GALNTL5: variants seen among roughly 807,000 people sequenced by gnomAD.
GALNTL5 encodes inactive polypeptide N-acetylgalactosaminyltransferase-like protein 5.
A neutral mutation model predicts 51.0 loss-of-function variants in GALNTL5; 44 were observed. The ratio of observed to expected loss-of-function variants is 0.86; its 90% CI spans 0.68 to 1.11. The LOEUF (loss-of-function observed/expected upper bound fraction) is 1.11, where lower values mean the gene tolerates loss of function less well. Among genes scored for constraint, GALNTL5 ranks in the 50% least tolerant of loss-of-function variants. The pLI, the probability that GALNTL5 is intolerant of heterozygous loss-of-function variation, is 0.00. For missense variants in GALNTL5, 528 were observed against 531.8 expected (o/e 0.99, Z 0.07); for synonymous variants, 192 against 182.8 (o/e 1.05, Z -0.41).
chr7:151,993,833 T>C (rs2081458552), intron 5 of GALNTL5, among the ~76,000 whole-genome samples: 1 of 152,110 alleles, frequency 6.6e-6, no homozygotes, highest in South Asian at 2.1e-4. Flanking sequence ...CTGCCCAGGC[T>C]GGTCTCAAAC....
intron 5 of GALNTL5, among the ~76,000 whole-genome samples, chr7:151,996,194 C>CT (rs201649422): frequency 3.3e-5 from 5 of 151,246 alleles, no homozygotes; most frequent in Non-Finnish European, 7.4e-5. Context: ...ACACCACATT[C>CT]TTTTTTTTTA....
chr7:152,014,569 T>C, intron 7 of GALNTL5, 75 bp from the exon 8 acceptor site: 1 of 1,417,036 alleles, frequency 7.1e-7, no homozygotes, highest in South Asian at 1.4e-5. Flanking sequence ...CACCTGGCCA[T>C]TATATTGGTT....
intron 5 of GALNTL5, among the ~76,000 whole-genome samples, chr7:151,990,267 C>T (rs1382031729): frequency 6.6e-6 from 1 of 151,942 alleles, no homozygotes; most frequent in East Asian, 1.9e-4. Context: ...TAGTCTCGAA[C>T]TCTTGGCCTC....
chr7:152,001,747 T>A (rs2081582966), intron 5 of GALNTL5, among the ~76,000 whole-genome samples: 1 of 152,224 alleles, frequency 6.6e-6, no homozygotes, highest in Non-Finnish European at 1.5e-5. Context: ...TTAGGATCAA[T>A]TTCTTTAAAA....
At chr7:151,995,834 A>G (rs905677964) in intron 5 of GALNTL5, among the ~76,000 whole-genome samples, 3 of 152,218 alleles carry the variant, frequency 2.0e-5, no homozygotes, top group African/African-American at 7.2e-5. Flanking sequence ...TAATGGTGGA[A>G]AGGCTCTCAG....
intron 4 of GALNTL5, among the ~76,000 whole-genome samples, chr7:151,986,298 T>C (rs2081358581): frequency 6.6e-6 from 1 of 152,180 alleles, no homozygotes; most frequent in African/African-American, 2.4e-5. Flanking sequence ...AAAATGTTAA[T>C]AGTGATTTAC....
intron 3 of GALNTL5, among the ~76,000 whole-genome samples, chr7:151,977,957 G>A (rs2081228673): frequency 6.6e-6 from 1 of 151,912 alleles, no homozygotes; most frequent in Non-Finnish European, 1.5e-5. Context: ...AGTTTGATGT[G>A]CATTGTTTTG....
chr7:152,002,201 A>C (rs1000480627), intron 5 of GALNTL5, among the ~76,000 whole-genome samples: 2 of 151,428 alleles, frequency 1.3e-5, no homozygotes, highest in Non-Finnish European at 2.9e-5. Flanking sequence ...AATTGCTTGA[A>C]CCCGGGAGGC....
rs1351216172 is a variant in GALNTL5, at chr7:152,019,762, T to A, written c.1293T>A (p.Asn431Lys). ...AGTCATTTCAGTGGTATTTGGATAA[T>A]GTCTTCCCAGAGTTGGAGGCATCTG... ...GCKSFQWYLD[N>K]VFPELEASVN... The change falls in exon 9 of 9, where the codon AAT (asparagine) becomes AAA (lysine). Residue 431 changes from asparagine to lysine, a missense_variant. Transcript: ENST00000392800. 6.2e-7 allele frequency: 1 copy of A among 1,613,770 alleles called. No homozygotes were observed. The highest frequency in any genetic ancestry group is 8.5e-7 in the Non-Finnish European group (1 of 1,179,852).
intron 1 of GALNTL5, among the ~76,000 whole-genome samples, chr7:151,964,104 G>A (rs916973346): frequency 6.6e-6 from 1 of 152,108 alleles, no homozygotes; most frequent in African/African-American, 2.4e-5. Context: ...GCTTGCAGGT[G>A]GTTGCCTTCG....
chr7:151,997,389 A>G (rs1194959678), intron 5 of GALNTL5, among the ~76,000 whole-genome samples: 1 of 152,194 alleles, frequency 6.6e-6, no homozygotes, highest in Non-Finnish European at 1.5e-5. Context: ...TCCTAGCACC[A>G]AACTTTAGGT....
At chr7:151,969,933 A>T (rs1445302618) in intron 2 of GALNTL5, among the ~76,000 whole-genome samples, 1 of 150,978 alleles carries the variant, frequency 6.6e-6, no homozygotes, top group African/African-American at 2.4e-5. Context: ...CAGCCTCCCG[A>T]GTAGCTGGGA....
intron 5 of GALNTL5, among the ~76,000 whole-genome samples, chr7:151,987,968 C>T (rs1045004200): frequency 1.3e-5 from 2 of 152,204 alleles, no homozygotes; most frequent in South Asian, 4.1e-4. Flanking sequence ...TGGCAGCACC[C>T]TGGGAACGGC....
chr7:151,991,968 A>G (rs978855410), intron 5 of GALNTL5, among the ~76,000 whole-genome samples: 10 of 152,282 alleles, frequency 6.6e-5, no homozygotes, highest in African/African-American at 2.2e-4. Flanking sequence ...CATTTGCTCT[A>G]TAGATATTAT....
chr7:152,014,491 C>T (rs1440349481), intron 7 of GALNTL5, among the ~76,000 whole-genome samples, 153 bp from the exon 8 acceptor site: 1 of 152,234 alleles, frequency 6.6e-6, no homozygotes, highest in African/African-American at 2.4e-5. Context: ...TGGTCTCAAA[C>T]TCCCTTCCTT....
At chr7:152,001,505 A>T (rs1009642726) in intron 5 of GALNTL5, among the ~76,000 whole-genome samples, 2 of 152,154 alleles carry the variant, frequency 1.3e-5, no homozygotes, top group African/African-American at 2.4e-5. Flanking sequence ...AGCACAATTT[A>T]TTGAAAAGAC....
At chr7:152,014,538 G>C (rs531659171) in intron 7 of GALNTL5, 106 bp from the exon 8 acceptor site, 1 of 1,127,158 alleles carries the variant, frequency 8.9e-7, no homozygotes, top group East Asian at 2.6e-5. Context: ...AAAATGCTGG[G>C]ATTACAGGCA....
chr7:152,002,859 C>T lies in GALNTL5; in HGVS notation c.804C>T (p.Pro268=), dbSNP rs978951733. The T allele has an allele frequency of 6.2e-7, 1 of 1,614,038 alleles. No homozygotes were observed. The highest frequency in any genetic ancestry group is 1.3e-5 in the African/African-American group (1 of 74,906). ...VIDDRTLEYK[P]SPLVRGTFDW... ...ATGATAGAACTCTGGAGTATAAGCC[C>T]TCTCCTCTTGTAAGGGGAACTTTTG... The change falls in exon 6 of 9, where the codon CCC becomes CCT. Residue 268 remains proline, a synonymous_variant. Coordinates refer to ENST00000392800, the MANE Select transcript of GALNTL5 (RefSeq NM_145292.4).
intron 5 of GALNTL5, among the ~76,000 whole-genome samples, chr7:151,989,099 G>A (rs1203725394): frequency 6.6e-6 from 1 of 151,610 alleles, no homozygotes; most frequent in Admixed American, 6.6e-5. Flanking sequence ...GTACTTAAGA[G>A]TTACTTCAGT....
Sources: allele counts gnomAD v4.1 joint callset (sites outside exome capture counted in the v4.1 genomes callset), GRCh38; gene constraint gnomAD v4.1.1; transcripts MANE v1.5; gene names NCBI Gene and HGNC (gene_info 2026-07-23, HGNC 2026-07-21).